Variants in FANCC observed in about 807,000 individuals in gnomAD.
FANCC encodes FA complementation group C, also known as Fanconi anemia group C protein.
Under a neutral mutation model 71.3 loss-of-function variants are expected in FANCC, and 55 were observed. The observed-to-expected ratio is 0.77, with a 90% CI of 0.62 to 0.97. FANCC has a LOEUF of 0.97. Among genes scored for constraint, FANCC ranks in the 50% least tolerant of loss-of-function variants. The probability of loss-of-function intolerance (pLI) is 0.00; values close to 1 mark genes in which losing one functional copy is unlikely to be tolerated. For synonymous variants in FANCC, 275 were observed against 244.9 expected, an observed-to-expected ratio of 1.12 and a Z score of -1.15; for missense variants, 678 against 670.9, an observed-to-expected ratio of 1.01 and a Z score of -0.12.
chr9:95,198,909 T>C (rs1827628629), intron 4 of FANCC, among the ~76,000 whole-genome samples: 1 of 151,996 alleles, frequency 6.6e-6, no homozygotes, highest in Non-Finnish European at 1.5e-5. Context: ...GGCTAACTTT[T>C]AAACTTTTTT....
chr9:95,211,309 T>C (rs536914480), intron 4 of FANCC, among the ~76,000 whole-genome samples: 1 of 152,288 alleles, frequency 6.6e-6, no homozygotes, highest in Admixed American at 6.5e-5. Flanking sequence ...CAAAGATAGC[T>C]ACAATTTGAG....
chr9:95,292,549 A>C lies in FANCC; in HGVS notation c.-79+24977T>G, dbSNP rs1834103985. Reference sequence around the variant, plus strand: ...CTGGCGGGGGAGCTGATCCAGCAGTAGGTGAGCGAGCTGTCCCAGACCACA... The same window carrying C: ...CTGGCGGGGGAGCTGATCCAGCAGTCGGTGAGCGAGCTGTCCCAGACCACA... On this transcript the variant is annotated intron_variant, in intron 1 of 14. Coordinates refer to ENST00000289081, the MANE Select transcript of FANCC (RefSeq NM_000136.3). 30 of 1,479,102 alleles carry C rather than the reference A, an allele frequency of 2.0e-5. No individual in the cohort carries two copies. The South Asian group carries it at 2.8e-4, about 14-fold the overall frequency. The allele number at this position is 1,479,102 out of a possible 1,614,324, so 91.6% of individuals were successfully genotyped here. A position where few individuals can be genotyped will look rare whatever the true frequency, so the allele number is the denominator to read the frequency against.
chr9:95,191,386 G>A (rs1265706832), intron 4 of FANCC, among the ~76,000 whole-genome samples: 2 of 132,288 alleles, frequency 1.5e-5, no homozygotes, highest in Non-Finnish European at 3.1e-5. Flanking sequence ...AGGATGGAGT[G>A]CAGTGGTGTG....
intron 7 of FANCC, among the ~76,000 whole-genome samples, chr9:95,137,793 G>A (rs990031457): frequency 6.6e-6 from 1 of 152,236 alleles, no homozygotes; most frequent in African/African-American, 2.4e-5. Context: ...GCTGCAGATG[G>A]CAGGAGGCAC....
chr9:95,293,871 G>C, intron 1 of FANCC: 1 of 1,608,236 alleles, frequency 6.2e-7, no homozygotes, highest in Non-Finnish European at 8.5e-7. Context: ...GATGGACCAA[G>C]CTGGAATGTG....
At chr9:95,146,510 A>AAAAAAAAAAAAAAAC (rs1829571320) in intron 7 of FANCC, among the ~76,000 whole-genome samples, 1 of 151,490 alleles carries the variant, frequency 6.6e-6, no homozygotes, top group Admixed American at 6.6e-5. Context: ...AAAAAAAAAA[A>AAAAAAAAAAAAAAAC]AATTGAAAAC....
At chr9:95,107,779 TACAC>T (rs1451967529) in intron 13 of FANCC, among the ~76,000 whole-genome samples, 9 of 152,240 alleles carry the variant, frequency 5.9e-5, no homozygotes, top group South Asian at 4.1e-4. Context: ...AGCACGGTCA[TACAC>T]ACATGCATGC....
chr9:95,253,465 A>C (rs1042697106), intron 1 of FANCC, among the ~76,000 whole-genome samples: 5 of 152,164 alleles, frequency 3.3e-5, no homozygotes, highest in African/African-American at 4.8e-5. Context: ...CAATATTTTT[A>C]AATATTTCAC....
At chr9:95,144,536 T>C (rs1194862889) in intron 7 of FANCC, among the ~76,000 whole-genome samples, 1 of 152,152 alleles carries the variant, frequency 6.6e-6, no homozygotes, top group Non-Finnish European at 1.5e-5. Flanking sequence ...CAGTGATTTC[T>C]CAAACAGCTT....
At position 95,118,112 on chromosome 9, in the gene FANCC, G is replaced by A. The variant is rs866147097; in HGVS notation, c.997-722C>T. Among the ~76,000 whole-genome samples the A allele has an allele frequency of 5.2e-4, 79 of 152,202 alleles. 1 individual carries two copies. The highest frequency in any genetic ancestry group is 3.4e-3 in the Middle Eastern group (1 of 292). On this transcript the variant is annotated intron_variant, in intron 10 of 14. Transcript: ENST00000289081. ...CAGCTCACTGCAACCTCCACCTCCC[G>A]GGTCCAAATGATTCTCCTGCCTCAG...
At chr9:95,105,950 TC>T (rs2071414623) in intron 14 of FANCC, among the ~76,000 whole-genome samples, 1 of 152,228 alleles carries the variant, frequency 6.6e-6, no homozygotes, top group Non-Finnish European at 1.5e-5. Flanking sequence ...CAGATGGCCC[TC>T]CAGCCCCTGC....
In FANCC at chr9:95,175,053, C is replaced by CT. The variant is rs139316865; in HGVS notation, c.346-2907dup. On this transcript the variant is annotated intron_variant, in intron 4 of 14. Coordinates refer to ENST00000289081, the MANE Select transcript of FANCC (RefSeq NM_000136.3). ...CCTTCCCCATCATGATTCAACAGCC[C>CT]TACCCCTGGGGGAAACTCTACCCTG... 3.3e-3 allele frequency among the ~76,000 whole-genome samples: 505 copies of CT among 152,242 alleles called. 9 individuals are homozygous for CT. The East Asian group carries it at 0.043, about 13-fold the overall frequency.
chr9:95,218,262 C>G (rs10761377), intron 4 of FANCC, among the ~76,000 whole-genome samples: 69,909 of 151,932 alleles, frequency 0.46, 16,248 homozygotes, highest in East Asian at 0.56. Context: ...ACTAGGAGTT[C>G]GAGACTAGCC....
At chr9:95,108,975 T>A (rs2071690430) in intron 13 of FANCC, among the ~76,000 whole-genome samples, 1 of 151,852 alleles carries the variant, frequency 6.6e-6, no homozygotes. Context: ...GTGCAATCTC[T>A]ACTCACTGCA....
intron 4 of FANCC, among the ~76,000 whole-genome samples, chr9:95,227,510 G>A (rs765242572): frequency 6.6e-6 from 1 of 152,194 alleles, no homozygotes; most frequent in South Asian, 2.1e-4. Flanking sequence ...ACGACTGACA[G>A]AAGTGTTATT....
At chr9:95,278,355 A>G (rs1373848454) in intron 1 of FANCC, among the ~76,000 whole-genome samples, 1 of 152,212 alleles carries the variant, frequency 6.6e-6, no homozygotes, top group Non-Finnish European at 1.5e-5. Flanking sequence ...CATACTCCAA[A>G]TTTTGAATTT....
At chr9:95,110,031 G>A (rs2071780050) in intron 13 of FANCC, among the ~76,000 whole-genome samples, 1 of 152,210 alleles carries the variant, frequency 6.6e-6, no homozygotes, top group Non-Finnish European at 1.5e-5. Context: ...GAACTGCCAG[G>A]CAGATGGGCA....
chr9:95,291,030 T>C (rs549504626), intron 1 of FANCC, among the ~76,000 whole-genome samples: 2 of 152,166 alleles, frequency 1.3e-5, no homozygotes, highest in Non-Finnish European at 1.5e-5. Flanking sequence ...ATTCGACATC[T>C]TTCATGATAA....
chr9:95,188,124 A>C (rs1755022471), intron 4 of FANCC, among the ~76,000 whole-genome samples: 1 of 152,218 alleles, frequency 6.6e-6, no homozygotes, highest in African/African-American at 2.4e-5. Flanking sequence ...TATCCTAATT[A>C]GGGGGAGAAA....
Sources: allele counts gnomAD v4.1 joint callset (sites outside exome capture counted in the v4.1 genomes callset), GRCh38; gene constraint gnomAD v4.1.1; transcripts MANE v1.5; gene names NCBI Gene and HGNC (gene_info 2026-07-23, HGNC 2026-07-21).